The following FGD2 variants were observed in gnomAD, a reference collection of about 807,000 sequenced individuals.
The protein encoded by FGD2 is FYVE, RhoGEF and PH domain-containing protein 2.
FGD2 carries 52 observed loss-of-function variants against 75.9 expected under a neutral mutation model. The ratio of observed to expected loss-of-function variants is 0.69; its 90% CI spans 0.55 to 0.86. The LOEUF (loss-of-function observed/expected upper bound fraction) is 0.86, where lower values mean the gene tolerates loss of function less well. Among genes scored for constraint, FGD2 ranks in the 40% least tolerant of loss-of-function variants. FGD2 has a pLI of 0.00. For missense variants in FGD2, 790 were observed against 872.0 expected (o/e 0.91, Z 1.18); for synonymous variants, 347 against 348.6 (o/e 1.00, Z 0.05).
At position 37,012,699 on chromosome 6, in the gene FGD2, G is replaced by T. The variant is rs151001464; in HGVS notation, c.527+845G>T. 6.5e-3 allele frequency among the ~76,000 whole-genome samples: 925 copies of T among 142,564 alleles called. 16 individuals carry two copies. The highest frequency in any genetic ancestry group is 0.022 in the African/African-American group (838 of 38,598). The allele number at this position is 142,564 out of a possible 152,430, so 93.5% of individuals were successfully genotyped here. A position where few individuals can be genotyped will look rare whatever the true frequency, so the allele number is the denominator to read the frequency against. On this transcript the variant is annotated intron_variant, in intron 4 of 15. Transcript: ENST00000274963. ...TGCACTCCAGCCTGGGTGACAGAGA[G>T]AGACCCTGACTTAAAAAAAAAAAAA...
At chr6:37,014,305 C>T in intron 6 of FGD2, 1 of 668,820 alleles carries the variant, frequency 1.5e-6, no homozygotes, top group South Asian at 2.0e-5. Context: ...TGCTCAAGGT[C>T]ACGCAGCCAG....
chr6:37,011,967 G>T (rs1287920264), intron 4 of FGD2, 113 bp downstream of exon 4: 30 of 1,222,578 alleles, frequency 2.5e-5, no homozygotes, highest in Non-Finnish European at 3.3e-5. Context: ...TTATTGTGTG[G>T]CCATGCCTCC....
chr6:37,015,733 C>T (rs1300701415), intron 8 of FGD2, 35 bp from the exon 9 acceptor site: 1 of 1,552,394 alleles, frequency 6.4e-7, no homozygotes, highest in South Asian at 1.2e-5. Flanking sequence ...CTCCCTGCCC[C>T]TGCCACGGGC....
intron 14 of FGD2, 88 bp downstream of exon 14, chr6:37,026,026 G>T: frequency 6.5e-7 from 1 of 1,535,904 alleles, no homozygotes; most frequent in East Asian, 2.4e-5. Context: ...ACTGTCCAGT[G>T]CTGAGGAACA....
In FGD2 at chr6:37,015,989, G is replaced by A. The variant is rs886405110; in HGVS notation, c.1122+129G>A. ...CTTGCAGGGCCTGGGCAAACATGGAGATGGAAGAGTGTGGGGCTCTCCCCT... is the reference window on the plus strand; with the variant it reads ...CTTGCAGGGCCTGGGCAAACATGGAAATGGAAGAGTGTGGGGCTCTCCCCT... On this transcript the variant is annotated intron_variant, in intron 9 of 15. Coordinates refer to ENST00000274963, the MANE Select transcript of FGD2 (RefSeq NM_173558.4). 7.3e-6 allele frequency: 6 copies of A among 824,696 alleles called. No homozygotes were observed. The African/African-American group carries it at 1.0e-4, about 14-fold the overall frequency. 51.1% of individuals were successfully genotyped at this position (824,696 alleles called of 1,614,324 possible).
At chr6:37,023,825 G>A (rs1286144341) in intron 13 of FGD2, 1 of 152,248 alleles carries the variant, frequency 6.6e-6, no homozygotes, top group Non-Finnish European at 1.5e-5. Context: ...ACACTTGTGA[G>A]TGAAAGTAGT....
chr6:37,026,445 G>T, intron 14 of FGD2: 1 of 973,992 alleles, frequency 1.0e-6, no homozygotes. Context: ...CAAGTTAGGA[G>T]CCAGCTCTCT....
rs534687105 is a variant in FGD2, at chr6:37,026,412, G to T, written c.1605+474G>T. 1.3e-5 allele frequency: 13 copies of T among 985,084 alleles called. 1 individual carries two copies. The Admixed American group carries it at 1.8e-4, about 14-fold the overall frequency. The allele number at this position is 985,084 out of a possible 1,614,324, so 61.0% of individuals were successfully genotyped here. Reference sequence around the variant, plus strand: ...CCCATGGAGACCCAGGGCTGGAGGAGTGACTTGCCCAAGATCACACAGCAA... The same window carrying T: ...CCCATGGAGACCCAGGGCTGGAGGATTGACTTGCCCAAGATCACACAGCAA... On this transcript the variant is annotated intron_variant, in intron 14 of 15. Transcript: ENST00000274963.
chr6:37,010,476 G>T (rs545937355), intron 2 of FGD2, among the ~76,000 whole-genome samples: 1 of 152,334 alleles, frequency 6.6e-6, no homozygotes, highest in African/African-American at 2.4e-5. Flanking sequence ...GTTGGCGGAC[G>T]CAGTTTAGTT....
In FGD2 at chr6:37,025,836, C is replaced by A; in HGVS notation, c.1503C>A (p.Tyr501Ter). 6.2e-7 allele frequency: 1 copy of A among 1,614,146 alleles called. No homozygotes were observed. Among genetic ancestry groups the A allele is most frequent in the Non-Finnish European group, 8.5e-7 (1 of 1,180,006 alleles). The change falls in exon 14 of 16, where the codon TAC becomes TAA. Residue 501 changes from tyrosine (Y) to a stop codon, truncating the protein, a stop_gained. Coordinates refer to ENST00000274963, the MANE Select transcript of FGD2 (RefSeq NM_173558.4). LOFTEE classifies it high-confidence loss of function. The part of the protein sequence containing the change: ...RCSDYRAELK[Y>*]DDNRPNRVCL... ...CCGACTACCGGGCCGAACTGAAATACGACGACAACAGGCCCAACCGAGTCT... is the reference window on the plus strand; with the variant it reads ...CCGACTACCGGGCCGAACTGAAATAAGACGACAACAGGCCCAACCGAGTCT...
Position 37,028,491 on chromosome 6 carries a change from G to T in FGD2, c.*328G>T. On this transcript the variant is annotated 3_prime_UTR_variant, in exon 16 of 16. Coordinates refer to ENST00000274963, the MANE Select transcript of FGD2 (RefSeq NM_173558.4). ...TATGGTTTTTCATTTGTATCTCCTG[G>T]GGAGCTTTTAAAGAGTACTGGTGAA... 3.1e-6 allele frequency: 1 copy of T among 317,944 alleles called. No individual in the cohort carries two copies. The highest frequency in any genetic ancestry group is 5.7e-6 in the Non-Finnish European group (1 of 174,034). The allele number at this position is 317,944 out of a possible 1,614,324, so 19.7% of individuals were successfully genotyped here. A position where few individuals can be genotyped will look rare whatever the true frequency, so the allele number is the denominator to read the frequency against.
At chr6:37,021,359 C>A (rs1249076102) in intron 11 of FGD2, among the ~76,000 whole-genome samples, 153 bp from the exon 12 acceptor site, 3 of 152,174 alleles carry the variant, frequency 2.0e-5, no homozygotes, top group Non-Finnish European at 4.4e-5. Context: ...GTAGTTTCTC[C>A]TCCGATAAGG....
chr6:37,008,220 G>A (rs1764839009), intron 1 of FGD2, among the ~76,000 whole-genome samples: 1 of 152,218 alleles, frequency 6.6e-6, no homozygotes, highest in Non-Finnish European at 1.5e-5. Flanking sequence ...AACGTTGGGT[G>A]TATTCATCAA....
chr6:37,008,916 C>T lies in FGD2; in HGVS notation c.151C>T (p.Pro51Ser). 6.2e-7 allele frequency: 1 copy of T among 1,614,214 alleles called. No individual in the cohort carries two copies. The change falls in exon 2 of 16, where the codon CCA becomes TCA. Residue 51 changes from proline to serine, a missense_variant. Physicochemically the swap from Pro to Ser is moderately conservative, Grantham distance 74 (BLOSUM62 -1). Coordinates refer to ENST00000274963, the MANE Select transcript of FGD2 (RefSeq NM_173558.4). ...GTGCAGGCCTCCCGAGTCCCCAGGA[C>T]CACGGGAGAAGACGAATGTCGGGGA... ...PECRPPESPG[P>S]REKTNVGEAV...
At chr6:37,015,683 C>T in intron 8 of FGD2, 85 bp from the exon 9 acceptor site, 1 of 1,262,314 alleles carries the variant, frequency 7.9e-7, no homozygotes, top group Non-Finnish European at 1.1e-6. Context: ...GTGCTCAGCC[C>T]ATGCTCGGCC....
In FGD2 at chr6:37,013,997, C is replaced by T. The variant is rs149613118; in HGVS notation, c.720C>T (p.His240=). The T allele has an allele frequency of 2.8e-4, 453 of 1,614,076 alleles. 2 individuals are homozygous for T. In the African/African-American group the frequency reaches 5.3e-3, roughly 19 times the overall value. ...SEASGSLTLQ[H]HMLEPVQRIP... is the part of the protein sequence containing the mutation. ...CTTCGGGCAGCCTGACCCTGCAGCA[C>T]CACATGCTGGAACCAGTGCAGAGAA... Residue 240 remains histidine, a synonymous_variant, in exon 6 of 16, where the codon CAC becomes CAT. Coordinates refer to ENST00000274963, the MANE Select transcript of FGD2 (RefSeq NM_173558.4).
At position 37,014,191 on chromosome 6, in the gene FGD2, C is replaced by CCAT. The variant is rs558458904; in HGVS notation, c.823+94_823+96dup. 123 of 1,459,532 alleles carry CCAT rather than the reference C, an allele frequency of 8.4e-5. No individual in the cohort carries two copies. The African/African-American group carries it at 1.6e-3, about 20-fold the overall frequency. 90.4% of individuals were successfully genotyped at this position (1,459,532 alleles called of 1,614,324 possible). A position where few individuals can be genotyped will look rare whatever the true frequency, so the allele number is the denominator to read the frequency against. ...GCTCCTGCTAAAATGGTTTTGACGA[C>CCAT]CATCAGTCATCAACATCAACCACTG... On this transcript the variant is annotated intron_variant, in intron 6 of 15. Transcript: ENST00000274963.
intron 1 of FGD2, among the ~76,000 whole-genome samples, chr6:37,006,298 G>T (rs1255686901): frequency 6.6e-6 from 1 of 152,222 alleles, no homozygotes; most frequent in Non-Finnish European, 1.5e-5. Context: ...ATAAAATGTG[G>T]TGGTTGTGGG....
At chr6:37,013,832 A>G in intron 5 of FGD2, 67 bp downstream of exon 5, 2 of 1,597,850 alleles carry the variant, frequency 1.3e-6, no homozygotes, top group South Asian at 2.3e-5. Context: ...GGTTGCCTTG[A>G]GTGATTCCGG....
Sources: gnomAD v4.1 joint callset for allele counts (sites outside exome capture counted in the v4.1 genomes callset) on GRCh38, gnomAD v4.1.1 for gene constraint, MANE v1.5 for transcripts, NCBI Gene and HGNC (gene_info 2026-07-23, HGNC 2026-07-21) for gene names.